Variants in HDAC9 observed in about 807,000 individuals in gnomAD.
HDAC9 encodes histone deacetylase 9.
HDAC9 carries 41 observed loss-of-function variants against 139.4 expected under a neutral mutation model. The ratio of observed to expected loss-of-function variants is 0.29; its 90% CI spans 0.23 to 0.38. The LOEUF (loss-of-function observed/expected upper bound fraction) is 0.38. HDAC9 is among the 10% of genes least tolerant of loss of function. HDAC9 has a pLI of 1.00. For synonymous variants in HDAC9, 517 were observed against 476.2 expected, an observed-to-expected ratio of 1.09 and a Z score of -1.12; for missense variants, 1,147 against 1,297.0, an observed-to-expected ratio of 0.88 and a Z score of 1.78.
At position 18,504,232 on chromosome 7, in the gene HDAC9, C is replaced by T. The variant is rs1237329598; in HGVS notation, c.22+7908C>T. Among the ~76,000 whole-genome samples, 4 of 152,230 alleles carry T rather than the reference C, an allele frequency of 2.6e-5. No individual in the cohort carries two copies. In the East Asian group the frequency reaches 7.7e-4, roughly 29 times the overall value. On this transcript the variant is annotated intron_variant, in intron 2 of 25. Transcript: ENST00000686413. Reference sequence around the variant, plus strand: ...TCCATTTTAAGTTAGAAAGTTATCACCACCCGTTTTTGTTTTTTTCTGTCA... The same window carrying T: ...TCCATTTTAAGTTAGAAAGTTATCATCACCCGTTTTTGTTTTTTTCTGTCA...
intron 2 of HDAC9, among the ~76,000 whole-genome samples, chr7:18,549,826 G>A (rs1816512267): frequency 6.6e-6 from 1 of 151,330 alleles, no homozygotes; most frequent in African/African-American, 2.4e-5. Context: ...ATGGGGAAAT[G>A]TTATTTTGAA....
chr7:18,326,283 A>T (rs1257277206), intron 1 of HDAC9, among the ~76,000 whole-genome samples: 2 of 152,122 alleles, frequency 1.3e-5, no homozygotes, highest in Non-Finnish European at 2.9e-5. Flanking sequence ...CATTCTTCAA[A>T]TAAGGTATGC....
chr7:18,906,651 C>T (rs1231291828), intron 22 of HDAC9, among the ~76,000 whole-genome samples: 3 of 152,094 alleles, frequency 2.0e-5, no homozygotes, highest in Non-Finnish European at 4.4e-5. Flanking sequence ...TTTATTTGCT[C>T]CTTCACAGCT....
intron 22 of HDAC9, among the ~76,000 whole-genome samples, chr7:18,922,728 A>G (rs1563058358): frequency 6.6e-6 from 1 of 152,138 alleles, no homozygotes; most frequent in East Asian, 1.9e-4. Context: ...GCAGTAGGCT[A>G]TAGAACCTGA....
intron 1 of HDAC9, among the ~76,000 whole-genome samples, chr7:18,321,460 T>C (rs1268063631): frequency 6.6e-6 from 1 of 152,234 alleles, no homozygotes; most frequent in Non-Finnish European, 1.5e-5. Flanking sequence ...AAATAGGTGA[T>C]ATGCCTTTAT....
chr7:18,899,128 A>G (rs1463211817), intron 22 of HDAC9, among the ~76,000 whole-genome samples: 2 of 152,130 alleles, frequency 1.3e-5, no homozygotes, highest in Middle Eastern at 3.4e-3. Context: ...ATGTTAGGAT[A>G]TATTTGCTAT....
chr7:18,140,992 C>CA (rs1785861157), intron 1 of HDAC9, among the ~76,000 whole-genome samples: 1 of 151,532 alleles, frequency 6.6e-6, no homozygotes, highest in African/African-American at 2.4e-5. Flanking sequence ...CAATGAGCAG[C>CA]ATTTTTATTT....
At chr7:18,673,433 G>C (rs969419339) in intron 12 of HDAC9, among the ~76,000 whole-genome samples, 1 of 151,904 alleles carries the variant, frequency 6.6e-6, no homozygotes. Context: ...CAAGAATTGA[G>C]GTACAGCCTA....
intron 2 of HDAC9, among the ~76,000 whole-genome samples, chr7:18,572,445 A>C (rs1824620763): frequency 6.6e-6 from 1 of 151,790 alleles, no homozygotes; most frequent in Non-Finnish European, 1.5e-5. Context: ...TTATAACTCC[A>C]AGTATTTGTC....
At chr7:18,921,845 T>C (rs1394359607) in intron 22 of HDAC9, among the ~76,000 whole-genome samples, 1 of 151,998 alleles carries the variant, frequency 6.6e-6, no homozygotes, top group East Asian at 1.9e-4. Flanking sequence ...CCAACAATGA[T>C]AGACTGGATT....
At chr7:18,418,785 A>G (rs1301151198) in intron 1 of HDAC9, among the ~76,000 whole-genome samples, 2 of 151,496 alleles carry the variant, frequency 1.3e-5, no homozygotes, top group Non-Finnish European at 2.9e-5. Flanking sequence ...TTTTCTTTTC[A>G]TTCATTAACT....
At chr7:18,666,161 C>T in intron 11 of HDAC9, 52 bp from the exon 12 acceptor site, 2 of 1,520,618 alleles carry the variant, frequency 1.3e-6, no homozygotes, top group South Asian at 1.3e-5. Flanking sequence ...ATTTGCTTCT[C>T]TGTTACCATG....
chr7:18,978,918 A>T (rs1193225301), intron 25 of HDAC9, among the ~76,000 whole-genome samples: 1 of 152,192 alleles, frequency 6.6e-6, no homozygotes, highest in Non-Finnish European at 1.5e-5. Flanking sequence ...GCACTCTAGA[A>T]TGCCTAACTT....
intron 1 of HDAC9, among the ~76,000 whole-genome samples, chr7:18,427,767 T>A (rs999617210): frequency 6.6e-6 from 1 of 151,860 alleles, no homozygotes; most frequent in African/African-American, 2.4e-5. Context: ...ACCCACCCTC[T>A]TAACAGATTT....
At chr7:18,235,151 A>T (rs1251872843) in intron 2 of HDAC9, among the ~76,000 whole-genome samples, 1 of 152,210 alleles carries the variant, frequency 6.6e-6, no homozygotes, top group East Asian at 1.9e-4. Flanking sequence ...AAAGGAGTAC[A>T]TATGGTAAAA....
chr7:18,763,905 T>A (rs1208302064), intron 15 of HDAC9, among the ~76,000 whole-genome samples: 1 of 152,178 alleles, frequency 6.6e-6, no homozygotes, highest in African/African-American at 2.4e-5. Flanking sequence ...AAATTGTGAA[T>A]ATAAACACAC....
chr7:18,297,420 A>T (rs959003159), intron 1 of HDAC9, among the ~76,000 whole-genome samples: 1 of 152,114 alleles, frequency 6.6e-6, no homozygotes, highest in Non-Finnish European at 1.5e-5. Context: ...TCTTTGGTCC[A>T]TGTGTCTGCA....
chr7:18,781,603 C>G (rs1337317454), intron 16 of HDAC9, among the ~76,000 whole-genome samples: 1 of 152,000 alleles, frequency 6.6e-6, no homozygotes, highest in Non-Finnish European at 1.5e-5. Context: ...TCTTGTGAAT[C>G]TACTAATAAA....
At chr7:18,598,925 C>G (rs907655350) in intron 6 of HDAC9, among the ~76,000 whole-genome samples, 2 of 152,212 alleles carry the variant, frequency 1.3e-5, no homozygotes, top group African/African-American at 4.8e-5. Flanking sequence ...GCCTATAGTC[C>G]TAGCGACTCA....
Sources: gnomAD v4.1 joint callset for allele counts (sites outside exome capture counted in the v4.1 genomes callset) on GRCh38, gnomAD v4.1.1 for gene constraint, MANE v1.5 for transcripts, NCBI Gene and HGNC (gene_info 2026-07-23, HGNC 2026-07-21) for gene names.